Variants in KIAA1217 observed in about 807,000 individuals in gnomAD.
KIAA1217 encodes sickle tail protein homolog.
A neutral mutation model predicts 163.9 loss-of-function variants in KIAA1217; 88 were observed. That is an observed-to-expected ratio of 0.54 (90% confidence interval 0.45 to 0.64). KIAA1217 has a LOEUF of 0.64. Ranked by LOEUF, KIAA1217 falls within the 30% of genes least tolerant of loss-of-function variation. The pLI, the probability that KIAA1217 is intolerant of heterozygous loss-of-function variation, is 0.00. For missense variants in KIAA1217, 2,372 were observed against 2,475.0 expected (o/e 0.96, Z 0.88); for synonymous variants, 903 against 923.1 (o/e 0.98, Z 0.39).
chr10:24,462,507 A>G (rs566218878), intron 5 of KIAA1217, among the ~76,000 whole-genome samples: 2 of 152,310 alleles, frequency 1.3e-5, no homozygotes, highest in South Asian at 4.1e-4. Flanking sequence ...GTCACACGCA[A>G]ACAACCGAGG....
At chr10:24,484,174 T>TAG (rs2065047899) in intron 6 of KIAA1217, among the ~76,000 whole-genome samples, 1 of 146,166 alleles carries the variant, frequency 6.8e-6, no homozygotes, top group Non-Finnish European at 1.5e-5. Context: ...TGTATATATA[T>TAG]ATAGATATAC....
chr10:23,770,950 G>C (rs1834768616), intron 1 of KIAA1217, among the ~76,000 whole-genome samples: 1 of 152,194 alleles, frequency 6.6e-6, no homozygotes, highest in African/African-American at 2.4e-5. Context: ...ACATAAATTA[G>C]CGTGTTATCA....
intron 2 of KIAA1217, among the ~76,000 whole-genome samples, chr10:24,044,843 A>G (rs1482108273): frequency 6.6e-6 from 1 of 152,114 alleles, no homozygotes; most frequent in Middle Eastern, 3.2e-3. Context: ...TCTATCCTCC[A>G]AAGGACTGTA....
At chr10:24,331,944 C>T (rs1375777790) in intron 2 of KIAA1217, among the ~76,000 whole-genome samples, 4 of 152,096 alleles carry the variant, frequency 2.6e-5, no homozygotes, top group East Asian at 1.9e-4. Context: ...GGATTACAGG[C>T]GCGTGCCACC....
At chr10:24,224,029 G>A (rs2070086782) in intron 2 of KIAA1217, among the ~76,000 whole-genome samples, 2 of 152,148 alleles carry the variant, frequency 1.3e-5, no homozygotes, top group South Asian at 4.1e-4. Context: ...TAAAAAATAT[G>A]TTGGTCAAGA....
chr10:24,534,535 T>C (rs1428989503), intron 16 of KIAA1217, among the ~76,000 whole-genome samples: 3 of 152,082 alleles, frequency 2.0e-5, no homozygotes, highest in Admixed American at 6.6e-5. Flanking sequence ...CTTTGACCAC[T>C]GTACAGACAT....
intron 2 of KIAA1217, among the ~76,000 whole-genome samples, chr10:24,037,729 A>G (rs2131550207): frequency 6.6e-6 from 1 of 152,330 alleles, no homozygotes. Flanking sequence ...TTCTCTAGAA[A>G]CTGGTCTTTT....
Position 24,546,067 on chromosome 10 carries a change from A to T in KIAA1217, c.5575A>T (p.Asn1859Tyr). Residue 1859 changes from asparagine (N) to tyrosine (Y), a missense_variant, in exon 21 of 21, where the codon AAT becomes TAT. This residue lies in a region of KIAA1217 where 690 missense variants were observed against 677.5 expected (regional missense o/e 1.02). Coordinates refer to ENST00000376454, the MANE Select transcript of KIAA1217 (RefSeq NM_019590.5). The stretch of plus-strand genomic sequence containing the variant: ...TGCCTCCCTCATCCCTTCTGTCTCT[A>T]ATGGCTCTTTGAAGTTTCAGAGCCT... ...HSASLIPSVS[N>Y]GSLKFQSLTH... 1.2e-6 allele frequency: 2 copies of T among 1,614,146 alleles called. No individual in the cohort carries two copies. The highest frequency in any genetic ancestry group is 1.7e-6 in the Non-Finnish European group (2 of 1,180,036).
chr10:24,240,962 C>A (rs1241738765), intron 2 of KIAA1217, among the ~76,000 whole-genome samples: 8 of 151,982 alleles, frequency 5.3e-5, no homozygotes, highest in African/African-American at 1.9e-4. Flanking sequence ...CTAAAGCAAT[C>A]CTCCCACCTC....
chr10:24,230,704 C>T (rs935762737), intron 2 of KIAA1217, among the ~76,000 whole-genome samples: 3 of 151,924 alleles, frequency 2.0e-5, no homozygotes, highest in African/African-American at 2.4e-5. Flanking sequence ...CTAACTTTTG[C>T]ATTTTTAGTT....
At chr10:24,192,053 C>G (rs560799687) in intron 2 of KIAA1217, among the ~76,000 whole-genome samples, 14 of 152,298 alleles carry the variant, frequency 9.2e-5, no homozygotes, top group African/African-American at 3.1e-4. Context: ...CACGGATTTA[C>G]TTAATGTAAG....
At chr10:23,884,253 C>T (rs1841078597) in intron 1 of KIAA1217, among the ~76,000 whole-genome samples, 1 of 151,936 alleles carries the variant, frequency 6.6e-6, no homozygotes, top group Non-Finnish European at 1.5e-5. Context: ...CCTATTGCTC[C>T]ACATCCCCAC....
intron 2 of KIAA1217, among the ~76,000 whole-genome samples, chr10:24,289,375 G>T (rs1805192015): frequency 6.6e-6 from 1 of 152,110 alleles, no homozygotes; most frequent in African/African-American, 2.4e-5. Flanking sequence ...AGGCCTGAGA[G>T]GAGAGACCCT....
At chr10:24,271,503 C>T (rs920637081) in intron 2 of KIAA1217, among the ~76,000 whole-genome samples, 1 of 152,108 alleles carries the variant, frequency 6.6e-6, no homozygotes, top group Admixed American at 6.6e-5. Flanking sequence ...GTAATTCTAG[C>T]ACTTTGGGAG....
intron 2 of KIAA1217, among the ~76,000 whole-genome samples, chr10:24,115,376 T>C (rs998812642): frequency 6.6e-6 from 1 of 151,924 alleles, no homozygotes; most frequent in Non-Finnish European, 1.5e-5. Flanking sequence ...AGCTATGGAG[T>C]TTAGGAAAAT....
At chr10:23,792,594 G>T (rs946721452) in intron 1 of KIAA1217, among the ~76,000 whole-genome samples, 10 of 151,720 alleles carry the variant, frequency 6.6e-5, no homozygotes, top group African/African-American at 2.2e-4. Flanking sequence ...CCGGGTTCAT[G>T]CCGTTCTCCT....
intron 1 of KIAA1217, among the ~76,000 whole-genome samples, chr10:23,976,775 G>A (rs762472483): frequency 6.6e-6 from 1 of 152,210 alleles, no homozygotes; most frequent in South Asian, 2.1e-4. Flanking sequence ...AAGGCACACA[G>A]ATTTTCTGTA....
intron 2 of KIAA1217, among the ~76,000 whole-genome samples, chr10:24,065,771 G>A (rs796096065): frequency 6.6e-6 from 1 of 152,114 alleles, no homozygotes; most frequent in African/African-American, 2.4e-5. Context: ...TATTGTGTGG[G>A]AGTCTAAGTC....
chr10:23,788,835 C>T (rs557399123), intron 1 of KIAA1217, among the ~76,000 whole-genome samples: 4 of 152,288 alleles, frequency 2.6e-5, no homozygotes, highest in South Asian at 2.1e-4. Flanking sequence ...CAAACTGAAA[C>T]GCTCAATGGC....
Sources: gnomAD v4.1 joint callset for allele counts (sites outside exome capture counted in the v4.1 genomes callset) on GRCh38, gnomAD v4.1.1 for gene constraint, gnomAD v4.1.1 regional missense constraint, MANE v1.5 for transcripts, NCBI Gene and HGNC (gene_info 2026-07-23, HGNC 2026-07-21) for gene names.